The following ART3 variants were observed in gnomAD, a reference collection of about 807,000 sequenced individuals.
ART3 encodes ecto-ADP-ribosyltransferase 3.
ART3 carries 49 observed loss-of-function variants against 48.5 expected under a neutral mutation model. The ratio of observed to expected loss-of-function variants is 1.01; its 90% CI spans 0.80 to 1.28. ART3 has a LOEUF of 1.28. Among genes scored for constraint, ART3 ranks in the 50% most tolerant of loss-of-function variants. The pLI, the probability that ART3 is intolerant of heterozygous loss-of-function variation, is 0.00. For synonymous variants in ART3, 145 were observed against 157.2 expected, an observed-to-expected ratio of 0.92 and a Z score of 0.58; for missense variants, 438 against 454.3, an observed-to-expected ratio of 0.96 and a Z score of 0.33.
At chr4:76,035,725 A>G (rs1734326988) in intron 1 of ART3, among the ~76,000 whole-genome samples, 1 of 152,234 alleles carries the variant, frequency 6.6e-6, no homozygotes, top group South Asian at 2.1e-4. Context: ...CAAAAATTCC[A>G]TGAAGTTCAT....
intron 8 of ART3, among the ~76,000 whole-genome samples, chr4:76,103,627 C>G (rs1320686305): frequency 6.6e-6 from 1 of 151,980 alleles, no homozygotes; most frequent in African/African-American, 2.4e-5. Flanking sequence ...AGAGCTAAAC[C>G]AAGCAGAAAT....
At chr4:76,098,628 A>C (rs781530656) in intron 4 of ART3, among the ~76,000 whole-genome samples, 1 of 152,010 alleles carries the variant, frequency 6.6e-6, no homozygotes, top group African/African-American at 2.4e-5. Flanking sequence ...GTGTGGTGGC[A>C]GGCGCCTGTA....
chr4:76,034,561 C>A (rs1368060490), intron 1 of ART3: 4 of 571,554 alleles, frequency 7.0e-6, no homozygotes, highest in African/African-American at 5.9e-5. Flanking sequence ...TGTTGGACTC[C>A]TTTGGGCAGT....
chr4:76,023,384 TAGAGTC>T, intron 1 of ART3: 1 of 1,613,590 alleles, frequency 6.2e-7, no homozygotes, highest in Non-Finnish European at 8.5e-7. Flanking sequence ...GAATGCCACT[TAGAGTC>T]AGAAAGATAA....
intron 1 of ART3, among the ~76,000 whole-genome samples, chr4:76,052,172 G>A (rs936115879): frequency 2.0e-5 from 3 of 152,126 alleles, no homozygotes; most frequent in Non-Finnish European, 4.4e-5. Context: ...CCTGAAGTCA[G>A]GATTTTGAGA....
chr4:76,109,715 TATAGTC>T (rs956610513), intron 11 of ART3, among the ~76,000 whole-genome samples: 20 of 152,200 alleles, frequency 1.3e-4, no homozygotes, highest in African/African-American at 4.6e-4. Context: ...CTATTATAAT[TATAGTC>T]TTATGGGATC....
chr4:76,024,307 G>T (rs187102176), intron 1 of ART3, among the ~76,000 whole-genome samples: 32 of 152,158 alleles, frequency 2.1e-4, no homozygotes, highest in African/African-American at 7.7e-4. Context: ...GGGGGGGCAC[G>T]CATAGAGACA....
chr4:76,094,977 A>ATATTC (rs370343598), intron 3 of ART3, among the ~76,000 whole-genome samples: 6 of 152,332 alleles, frequency 3.9e-5, no homozygotes, highest in African/African-American at 1.4e-4. Flanking sequence ...GCTGTTCATA[A>ATATTC]TATTCTCATA....
At chr4:76,100,617 G>A (rs549789404) in intron 6 of ART3, among the ~76,000 whole-genome samples, 178 bp from the exon 7 acceptor site, 2 of 146,536 alleles carry the variant, frequency 1.4e-5, no homozygotes, top group East Asian at 2.0e-4. Context: ...GAAACAGAGC[G>A]AGGCTCCGTC....
chr4:76,108,468 T>G (rs1728877180), intron 11 of ART3, among the ~76,000 whole-genome samples: 1 of 152,174 alleles, frequency 6.6e-6, no homozygotes, highest in Admixed American at 6.6e-5. Flanking sequence ...TTTAAAGTTG[T>G]GCAGGAAGTT....
intron 1 of ART3, among the ~76,000 whole-genome samples, chr4:76,050,747 A>G (rs1002300317): frequency 5.9e-5 from 9 of 152,142 alleles, no homozygotes; most frequent in Non-Finnish European, 1.2e-4. Context: ...ACAGGAGCCC[A>G]TGGAGGGGGT....
intron 3 of ART3, among the ~76,000 whole-genome samples, chr4:76,095,615 T>C (rs1725830810): frequency 6.6e-6 from 1 of 152,238 alleles, no homozygotes. Flanking sequence ...AAAATGCAGA[T>C]CACAAGGCAT....
chr4:76,104,082 C>G, intron 9 of ART3, 113 bp downstream of exon 9: 2 of 1,184,012 alleles, frequency 1.7e-6, no homozygotes, highest in Non-Finnish European at 2.5e-6. Context: ...TCCCTTATAG[C>G]TACCTGCCAG....
chr4:76,070,674 C>T (rs1232528816), upstream of ART3, among the ~76,000 whole-genome samples: 1 of 152,146 alleles, frequency 6.6e-6, no homozygotes, highest in Non-Finnish European at 1.5e-5. Context: ...TAATGCAGCC[C>T]AGCAATCATA....
intron 1 of ART3, among the ~76,000 whole-genome samples, chr4:76,069,386 C>CTTTTTTTTTT (rs34858048): frequency 9.1e-6 from 1 of 110,162 alleles, no homozygotes; most frequent in Non-Finnish European, 1.8e-5. Context: ...TACTTAATTC[C>CTTTTTTTTTT]TTTTTTTTTT....
intron 1 of ART3, among the ~76,000 whole-genome samples, chr4:76,040,192 G>A (rs1036688401): frequency 6.6e-6 from 1 of 152,108 alleles, no homozygotes; most frequent in African/African-American, 2.4e-5. Context: ...GGGTATGGTG[G>A]CGCATGCCTG....
At position 76,081,954 on chromosome 4, in the gene ART3, A is replaced by G; in HGVS notation, c.200A>G (p.Asp67Gly). The G allele has an allele frequency of 2.5e-6, 4 of 1,614,208 alleles. No individual in the cohort carries two copies. Among genetic ancestry groups the G allele is most frequent in the Non-Finnish European group, 3.4e-6 (4 of 1,180,036 alleles). ...KEEKASHQQL[D>G]TVWENAKAKW... ...GAAAAAGCAAGCCACCAGCAATTAG[A>G]TACTGTGTGGGAAAATGCAAAAGCC... The change falls in exon 3 of 12, where the codon GAT becomes GGT. Residue 67 changes from aspartate to glycine, a missense_variant. Around this residue, in one of 3 missense-constraint regions of ART3, gnomAD observed 206 missense variants for 205.3 expected, o/e 1.00. Transcript: ENST00000355810.
intron 11 of ART3, among the ~76,000 whole-genome samples, chr4:76,108,260 T>C (rs17001409): frequency 0.2 from 31,064 of 151,876 alleles, 3,835 homozygotes; most frequent in African/African-American, 0.31. Context: ...TGCAAATAAA[T>C]TTGGGTTGAA....
At chr4:76,102,814 A>G (rs1727633341) in intron 8 of ART3, among the ~76,000 whole-genome samples, 2 of 152,200 alleles carry the variant, frequency 1.3e-5, no homozygotes, top group Middle Eastern at 3.4e-3. Context: ...CAAATTATCT[A>G]TAACGTATTA....
Sources: allele counts gnomAD v4.1 joint callset (sites outside exome capture counted in the v4.1 genomes callset), GRCh38; gene constraint gnomAD v4.1.1; regional missense constraint gnomAD v4.1.1; transcripts MANE v1.5; gene names NCBI Gene and HGNC (gene_info 2026-07-23, HGNC 2026-07-21).